CAMK1D: variants seen among roughly 807,000 people sequenced by gnomAD.
CAMK1D encodes calcium/calmodulin dependent protein kinase ID.
A neutral mutation model predicts 47.7 loss-of-function variants in CAMK1D; 9 were observed. That is an observed-to-expected ratio of 0.19 (90% confidence interval 0.11 to 0.33). The LOEUF (loss-of-function observed/expected upper bound fraction) is 0.33, where lower values mean the gene tolerates loss of function less well. CAMK1D is among the 10% of genes least tolerant of loss of function. CAMK1D has a pLI of 1.00. For synonymous variants in CAMK1D, 184 were observed against 184.9 expected, an observed-to-expected ratio of 0.99 and a Z score of 0.04; for missense variants, 291 against 488.7, an observed-to-expected ratio of 0.60 and a Z score of 3.81.
intron 1 of CAMK1D, among the ~76,000 whole-genome samples, chr10:12,403,136 A>G (rs1052729438): frequency 1.3e-5 from 2 of 152,186 alleles, no homozygotes; most frequent in African/African-American, 4.8e-5. Context: ...GGAAGTACTC[A>G]GGAAGAAGGC....
At chr10:12,505,121 A>G (rs72769653) in intron 1 of CAMK1D, among the ~76,000 whole-genome samples, 14,429 of 152,248 alleles carry the variant, frequency 0.095, 862 homozygotes, top group Admixed American at 0.18. Flanking sequence ...CTCTGTGAGC[A>G]TTGTTAACCC....
rs540495797 is a variant in CAMK1D at position 12,798,540 on chromosome 10, G to A, written c.641+7307G>A. Among the ~76,000 whole-genome samples, 13 of 152,316 alleles carry A rather than the reference G, an allele frequency of 8.5e-5. No individual in the cohort carries two copies. The South Asian group carries it at 1.7e-3, about 19-fold the overall frequency. ...AAGCCTTCCCAGGATAGGTTACAGCGATCTGGGTTTGGAAAGATGGGTGAG... is the reference window on the plus strand; with the variant it reads ...AAGCCTTCCCAGGATAGGTTACAGCAATCTGGGTTTGGAAAGATGGGTGAG... On this transcript the variant is annotated intron_variant, in intron 6 of 10. Coordinates refer to ENST00000619168, the MANE Select transcript of CAMK1D (RefSeq NM_153498.4).
At chr10:12,515,418 C>CTTTTTTTTTTTTTTTTTT (rs55732103) in intron 1 of CAMK1D, among the ~76,000 whole-genome samples, 2 of 99,010 alleles carry the variant, frequency 2.0e-5, no homozygotes, top group African/African-American at 4.0e-5. Context: ...TTTTTTTTTT[C>CTTTTTTTTTTTTTTTTTT]TTTTTTTTTT....
intron 1 of CAMK1D, among the ~76,000 whole-genome samples, chr10:12,371,588 C>T (rs1166286338): frequency 6.9e-6 from 1 of 144,710 alleles, no homozygotes; most frequent in African/African-American, 2.5e-5. Context: ...AAAAAAAAAA[C>T]CAAAAAAAAA....
intron 1 of CAMK1D, among the ~76,000 whole-genome samples, chr10:12,492,138 C>T (rs1194760539): frequency 1.3e-5 from 2 of 151,816 alleles, no homozygotes; most frequent in East Asian, 3.9e-4. Flanking sequence ...TTCACAGGGT[C>T]TCTTTGAGAG....
In CAMK1D at chr10:12,666,775, T is replaced by C. The variant is rs746721652; in HGVS notation, c.264T>C (p.Tyr88=). 15 of 1,614,170 alleles carry C rather than the reference T, an allele frequency of 9.3e-6. No individual in the cohort carries two copies. In the East Asian group the frequency reaches 1.1e-4, roughly 12 times the overall value. The change falls in exon 3 of 11, where the codon TAT becomes TAC. Residue 88 remains tyrosine, a synonymous_variant. Coordinates refer to ENST00000619168, the MANE Select transcript of CAMK1D (RefSeq NM_153498.4). ...ATATTGTTGCCCTGGAAGACATTTA[T>C]GAAAGCCCAAATCACCTGTACTTGG... ...HENIVALEDI[Y]ESPNHLYLVM...
chr10:12,664,286 T>C (rs142167676), intron 2 of CAMK1D, among the ~76,000 whole-genome samples: 1 of 152,312 alleles, frequency 6.6e-6, no homozygotes, highest in African/African-American at 2.4e-5. Flanking sequence ...GCTTGATTGG[T>C]TGATGGAGAG....
intron 1 of CAMK1D, among the ~76,000 whole-genome samples, chr10:12,370,859 C>T (rs1161576930): frequency 7.2e-5 from 11 of 152,100 alleles, no homozygotes; most frequent in Non-Finnish European, 1.2e-4. Flanking sequence ...CCACCCACCT[C>T]GGCCTCCCAA....
intron 3 of CAMK1D, among the ~76,000 whole-genome samples, chr10:12,713,900 A>T (rs1317279703): frequency 1.3e-5 from 2 of 152,266 alleles, no homozygotes; most frequent in Non-Finnish European, 2.9e-5. Context: ...ATGTTGGCTA[A>T]GTAGCATCGT....
intron 3 of CAMK1D, among the ~76,000 whole-genome samples, chr10:12,759,026 A>G (rs143442180): frequency 3.2e-4 from 48 of 152,270 alleles, no homozygotes; most frequent in African/African-American, 1.2e-3. Context: ...GCACCCAGGA[A>G]ATGTTGAGTG....
intron 2 of CAMK1D, among the ~76,000 whole-genome samples, chr10:12,630,017 A>G (rs1451918473): frequency 2.6e-5 from 4 of 152,198 alleles, no homozygotes; most frequent in African/African-American, 9.7e-5. Context: ...GGTCAGAAGG[A>G]CAGTGGGACA....
At chr10:12,635,015 C>T (rs1455546431) in intron 2 of CAMK1D, among the ~76,000 whole-genome samples, 1 of 152,144 alleles carries the variant, frequency 6.6e-6, no homozygotes, top group Non-Finnish European at 1.5e-5. Context: ...AGCCGTGACC[C>T]AGACAGACAA....
chr10:12,391,330 C>G (rs547997484), intron 1 of CAMK1D, among the ~76,000 whole-genome samples: 1 of 152,042 alleles, frequency 6.6e-6, no homozygotes, highest in Non-Finnish European at 1.5e-5. Context: ...GTGGGAATTC[C>G]TAAAGCAGTC....
intron 1 of CAMK1D, among the ~76,000 whole-genome samples, chr10:12,355,448 G>C (rs553430610): frequency 6.6e-6 from 1 of 152,194 alleles, no homozygotes; most frequent in East Asian, 1.9e-4. Flanking sequence ...TGGTGTATAT[G>C]TGTTTGTGTG....
intron 3 of CAMK1D, among the ~76,000 whole-genome samples, chr10:12,669,995 G>A (rs935852714): frequency 1.4e-4 from 21 of 152,162 alleles, no homozygotes; most frequent in Admixed American, 2.0e-4. Flanking sequence ...GAACGTTCAC[G>A]TACAGGTCTT....
intron 2 of CAMK1D, among the ~76,000 whole-genome samples, chr10:12,578,241 A>G (rs993729622): frequency 2.6e-5 from 4 of 151,934 alleles, no homozygotes; most frequent in Admixed American, 2.0e-4. Context: ...TGCCTGGCTA[A>G]TTTTTTAAAA....
intron 3 of CAMK1D, among the ~76,000 whole-genome samples, chr10:12,733,407 A>G (rs1438114494): frequency 6.6e-6 from 1 of 152,212 alleles, no homozygotes; most frequent in East Asian, 1.9e-4. Context: ...ACAATCTCCC[A>G]GGTTTCTGGC....
intron 1 of CAMK1D, among the ~76,000 whole-genome samples, chr10:12,414,896 T>C (rs773212485): frequency 6.6e-6 from 1 of 152,184 alleles, no homozygotes; most frequent in Non-Finnish European, 1.5e-5. Context: ...ATTAAGGAAA[T>C]AAATTATGGA....
At chr10:12,504,631 T>A (rs1051748375) in intron 1 of CAMK1D, among the ~76,000 whole-genome samples, 3 of 152,188 alleles carry the variant, frequency 2.0e-5, no homozygotes, top group African/African-American at 7.2e-5. Context: ...TGGGAACCTC[T>A]TAACCCGGTT....
Sources: allele counts gnomAD v4.1 joint callset (sites outside exome capture counted in the v4.1 genomes callset), GRCh38; gene constraint gnomAD v4.1.1; transcripts MANE v1.5; gene names NCBI Gene and HGNC (gene_info 2026-07-23, HGNC 2026-07-21).